GALNT7: variants seen among roughly 807,000 people sequenced by gnomAD.
GALNT7 encodes N-acetylgalactosaminyltransferase 7.
A neutral mutation model predicts 82.1 loss-of-function variants in GALNT7; 60 were observed. The observed-to-expected ratio is 0.73, with a 90% CI of 0.59 to 0.91. GALNT7 has a LOEUF of 0.91. Among genes scored for constraint, GALNT7 ranks in the 40% least tolerant of loss-of-function variants. The pLI is 0.00. For synonymous variants in GALNT7, 243 were observed against 275.1 expected (o/e 0.88, Z 1.15); for missense variants, 660 against 804.2 (o/e 0.82, Z 2.17).
rs914946169 is a variant in GALNT7, at chr4:173,296,643, C to T, written c.965+800C>T. On this transcript the variant is annotated intron_variant, in intron 5 of 11. Coordinates refer to ENST00000265000, the MANE Select transcript of GALNT7 (RefSeq NM_017423.3). ...GCTTAGAGAAATTAAGTAATTTTCCCCAAATCAGAGAGCTAATAAACTGTC... is the reference window on the plus strand; with the variant it reads ...GCTTAGAGAAATTAAGTAATTTTCCTCAAATCAGAGAGCTAATAAACTGTC... 5.3e-5 allele frequency among the ~76,000 whole-genome samples: 8 copies of T among 152,154 alleles called. No individual in the cohort carries two copies. The South Asian group carries it at 8.3e-4, about 16-fold the overall frequency.
At chr4:173,290,161 T>C (rs1736483297) in intron 2 of GALNT7, among the ~76,000 whole-genome samples, 1 of 152,074 alleles carries the variant, frequency 6.6e-6, no homozygotes, top group Admixed American at 6.5e-5. Flanking sequence ...GGCATAGAGG[T>C]ATATACAAAA....
intron 2 of GALNT7, among the ~76,000 whole-genome samples, chr4:173,279,037 G>A (rs1167203513): frequency 6.6e-6 from 1 of 152,190 alleles, no homozygotes; most frequent in African/African-American, 2.4e-5. Flanking sequence ...ACTCCCCTCA[G>A]TCTATTGATT....
chr4:173,307,273 A>G (rs980501667), intron 8 of GALNT7, among the ~76,000 whole-genome samples: 1 of 152,242 alleles, frequency 6.6e-6, no homozygotes, highest in Non-Finnish European at 1.5e-5. Flanking sequence ...CTGAAGCACA[A>G]GCATGAGTGG....
intron 1 of GALNT7, among the ~76,000 whole-genome samples, chr4:173,180,104 A>T (rs373211961): frequency 6.6e-6 from 1 of 152,190 alleles, no homozygotes; most frequent in East Asian, 1.9e-4. Flanking sequence ...AAAATGTGAA[A>T]ATAGCATCAT....
At chr4:173,170,141 A>G (rs1334163214) in intron 1 of GALNT7, among the ~76,000 whole-genome samples, 1 of 151,994 alleles carries the variant, frequency 6.6e-6, no homozygotes, top group South Asian at 2.1e-4. Context: ...TTCCCCCCGG[A>G]TGAACCGTTG....
chr4:173,251,006 A>G (rs936774556), intron 2 of GALNT7, among the ~76,000 whole-genome samples: 5 of 152,214 alleles, frequency 3.3e-5, no homozygotes, highest in African/African-American at 9.6e-5. Flanking sequence ...TCTTCATGGT[A>G]TCTATCAAAT....
At chr4:173,289,861 G>C (rs1287368107) in intron 2 of GALNT7, among the ~76,000 whole-genome samples, 2 of 152,152 alleles carry the variant, frequency 1.3e-5, no homozygotes, top group Non-Finnish European at 1.5e-5. Context: ...TTTTCAGGCA[G>C]ACCATTTCTG....
chr4:173,214,655 T>G (rs976398495), intron 1 of GALNT7, among the ~76,000 whole-genome samples: 2 of 152,222 alleles, frequency 1.3e-5, no homozygotes, highest in African/African-American at 2.4e-5. Context: ...TAGAGCTGTT[T>G]CAACCACTAG....
At chr4:173,249,201 G>A (rs1734765494) in intron 2 of GALNT7, among the ~76,000 whole-genome samples, 1 of 152,130 alleles carries the variant, frequency 6.6e-6, no homozygotes, top group Non-Finnish European at 1.5e-5. Flanking sequence ...TTAATTCACT[G>A]CTACTAGAAA....
intron 6 of GALNT7, among the ~76,000 whole-genome samples, chr4:173,301,713 T>G (rs989444835): frequency 2.6e-5 from 4 of 152,214 alleles, no homozygotes; most frequent in Non-Finnish European, 5.9e-5. Context: ...CTCAGTGTTT[T>G]TAAGAGTGAA....
chr4:173,270,996 A>C (rs1735701402), intron 2 of GALNT7, among the ~76,000 whole-genome samples: 1 of 152,254 alleles, frequency 6.6e-6, no homozygotes, highest in Non-Finnish European at 1.5e-5. Context: ...AACGAAGCAC[A>C]AAGTTCCCCT....
intron 2 of GALNT7, among the ~76,000 whole-genome samples, chr4:173,287,463 G>A (rs973396300): frequency 1.3e-5 from 2 of 152,270 alleles, no homozygotes; most frequent in Non-Finnish European, 2.9e-5. Flanking sequence ...GCTGCACTCA[G>A]GGGTAGTGCA....
intron 2 of GALNT7, 121 bp from the exon 3 acceptor site, chr4:173,291,987 A>T: frequency 1.6e-6 from 1 of 617,220 alleles, no homozygotes; most frequent in Non-Finnish European, 2.8e-6. Context: ...TGAAGGCTAT[A>T]TTTCATTCAC....
At position 173,247,974 on chromosome 4, in the gene GALNT7, G is replaced by A; in HGVS notation, c.127-6G>A. 1 of 1,593,042 alleles carries A rather than the reference G, an allele frequency of 6.3e-7. No homozygotes were observed. Among genetic ancestry groups the A allele is most frequent in the Non-Finnish European group, 8.6e-7 (1 of 1,163,518 alleles). ...ACTCATTGTATATCCCCTCCCTTTTGTATAGGAAGACAGAGATGTCAATGA... is the reference window on the plus strand; with the variant it reads ...ACTCATTGTATATCCCCTCCCTTTTATATAGGAAGACAGAGATGTCAATGA... On this transcript the variant is annotated splice_polypyrimidine_tract_variant and splice_region_variant and intron_variant, in intron 1 of 11. Coordinates refer to ENST00000265000, the MANE Select transcript of GALNT7 (RefSeq NM_017423.3).
chr4:173,259,869 C>G (rs1735193972), intron 2 of GALNT7, among the ~76,000 whole-genome samples: 1 of 152,156 alleles, frequency 6.6e-6, no homozygotes, highest in Non-Finnish European at 1.5e-5. Flanking sequence ...AACTCTTGAC[C>G]TCAGGTGATC....
At chr4:173,183,877 C>T (rs1367903864) in intron 1 of GALNT7, among the ~76,000 whole-genome samples, 1 of 151,076 alleles carries the variant, frequency 6.6e-6, no homozygotes, top group African/African-American at 2.5e-5. Context: ...TCATCACTTC[C>T]CAGACGGGGC....
intron 1 of GALNT7, among the ~76,000 whole-genome samples, chr4:173,216,769 C>T (rs1388175960): frequency 6.3e-5 from 7 of 111,006 alleles, no homozygotes; most frequent in African/African-American, 1.5e-4. Context: ...TCACTCTTGT[C>T]CCCCAGGCTG....
At chr4:173,313,068 T>A (rs754290182) in intron 8 of GALNT7, among the ~76,000 whole-genome samples, 9 of 149,008 alleles carry the variant, frequency 6.0e-5, no homozygotes, top group Non-Finnish European at 1.3e-4. Context: ...CAAAAATATA[T>A]ATTTTTTTTA....
chr4:173,283,255 T>C (rs977370961), intron 2 of GALNT7, among the ~76,000 whole-genome samples: 1 of 152,232 alleles, frequency 6.6e-6, no homozygotes, highest in Non-Finnish European at 1.5e-5. Flanking sequence ...TTGGTCTGAT[T>C]ATTTACATAA....
Sources: allele counts gnomAD v4.1 joint callset (sites outside exome capture counted in the v4.1 genomes callset), GRCh38; gene constraint gnomAD v4.1.1; transcripts MANE v1.5; gene names NCBI Gene and HGNC (gene_info 2026-07-23, HGNC 2026-07-21).